The following MED13 variants were observed in gnomAD, a reference collection of about 807,000 sequenced individuals.
The protein encoded by MED13 is mediator of RNA polymerase II transcription subunit 13.
A neutral mutation model predicts 225.2 loss-of-function variants in MED13; 23 were observed. That is an observed-to-expected ratio of 0.10 (90% CI 0.07 to 0.14). The LOEUF (loss-of-function observed/expected upper bound fraction) is 0.14. Ranked by LOEUF, MED13 falls within the 10% of genes least tolerant of loss-of-function variation. MED13 has a pLI of 1.00. For synonymous variants in MED13, 942 were observed against 889.2 expected, an observed-to-expected ratio of 1.06 and a Z score of -1.06; for missense variants, 2,197 against 2,594.5, an observed-to-expected ratio of 0.85 and a Z score of 3.33.
rs1451691819 is a variant in MED13 at position 61,946,111 on chromosome 17, A to T, written c.*357T>A. On this transcript the variant is annotated 3_prime_UTR_variant, in exon 30 of 30. Transcript: ENST00000397786. ...TCATGTTCTGAAGCCATATGTTGAAATTCATTGTTCCTCATGTTTCCTCTC... is the reference window on the plus strand; with the variant it reads ...TCATGTTCTGAAGCCATATGTTGAATTTCATTGTTCCTCATGTTTCCTCTC... 1.2e-5 allele frequency: 2 copies of T among 170,924 alleles called. No individual in the cohort carries two copies. Among genetic ancestry groups the T allele is most frequent in the Non-Finnish European group, 1.2e-5 (1 of 80,152 alleles). The allele number at this position is 170,924 out of a possible 1,614,324, so 10.6% of individuals were successfully genotyped here.
intron 21 of MED13, among the ~76,000 whole-genome samples, 175 bp downstream of exon 21, chr17:61,962,577 A>G (rs1374124841): frequency 6.6e-6 from 1 of 152,196 alleles, no homozygotes. Context: ...ATATGACTAT[A>G]AAGTTTATCT....
intron 9 of MED13, among the ~76,000 whole-genome samples, chr17:61,995,750 G>A (rs2080341420): frequency 6.6e-6 from 1 of 152,038 alleles, no homozygotes; most frequent in African/African-American, 2.4e-5. Flanking sequence ...TTATAAAAGT[G>A]AGTAAAATAC....
intron 3 of MED13, among the ~76,000 whole-genome samples, chr17:62,040,750 A>G (rs1030816748): frequency 1.3e-5 from 2 of 152,220 alleles, no homozygotes; most frequent in African/African-American, 4.8e-5. Context: ...TTCTCCAAAA[A>G]TGATATAAAA....
intron 3 of MED13, among the ~76,000 whole-genome samples, chr17:62,049,058 C>A (rs2080928731): frequency 1.2e-5 from 1 of 80,986 alleles, no homozygotes. Flanking sequence ...GGTTGGGCAC[C>A]ACCATAACAG....
intron 2 of MED13, among the ~76,000 whole-genome samples, chr17:62,059,163 C>CA (rs978783324): frequency 3.3e-5 from 5 of 151,400 alleles, no homozygotes; most frequent in African/African-American, 1.2e-4. Context: ...ACATATTAGG[C>CA]AAAAAAATAA....
At chr17:61,987,909 AT>A (rs531748116) in intron 11 of MED13, among the ~76,000 whole-genome samples, 150 of 144,814 alleles carry the variant, frequency 1.0e-3, no homozygotes, top group South Asian at 4.1e-3. Context: ...TGCCCAGTTA[AT>A]TTTTTTTTTT....
chr17:61,986,717 T>A (rs2143479012), intron 12 of MED13, among the ~76,000 whole-genome samples: 1 of 152,246 alleles, frequency 6.6e-6, no homozygotes, highest in South Asian at 2.1e-4. Context: ...TTCTGCTTCC[T>A]AAAACTACAA....
At chr17:62,041,079 G>C (rs1277142155) in intron 3 of MED13, among the ~76,000 whole-genome samples, 4 of 152,134 alleles carry the variant, frequency 2.6e-5, no homozygotes, top group Non-Finnish European at 5.9e-5. Flanking sequence ...GAGATATGCA[G>C]ACCAATGTTC....
chr17:62,063,126 C>A lies in MED13; in HGVS notation c.242G>T (p.Trp81Leu). 6.2e-7 allele frequency: 1 copy of A among 1,614,082 alleles called. No homozygotes were observed. Among genetic ancestry groups the A allele is most frequent in the Non-Finnish European group, 8.5e-7 (1 of 1,180,004 alleles). The change falls in exon 2 of 30, where the codon TGG becomes TTG. Residue 81 changes from tryptophan to leucine, a missense_variant. This residue lies in a region of MED13 where 884 missense variants were observed against 918.5 expected (regional missense o/e 0.96). Coordinates refer to ENST00000397786, the MANE Select transcript of MED13 (RefSeq NM_005121.3). ...RDQRPGRREL[W>L]IFWWGEDPSF... The stretch of plus-strand genomic sequence containing the variant: ...GGGGTCTTCACCCCACCAAAATATC[C>A]ACAATTCTCTTCTTCCAGGTCTTTG...
At chr17:61,960,824 T>A in intron 23 of MED13, 43 bp downstream of exon 23, 2 of 1,356,346 alleles carry the variant, frequency 1.5e-6, no homozygotes. Context: ...AAACAAAATG[T>A]TACAAATGGA....
At chr17:62,034,040 G>A in intron 4 of MED13, 56 bp from the exon 5 acceptor site, 1 of 1,439,806 alleles carries the variant, frequency 6.9e-7, no homozygotes. Context: ...TACCAAATAA[G>A]AACACAGTGA....
At chr17:61,963,051 C>T (rs1263378558) in intron 20 of MED13, 80 bp from the exon 21 acceptor site, 2 of 1,107,050 alleles carry the variant, frequency 1.8e-6, no homozygotes, top group African/African-American at 1.6e-5. Flanking sequence ...CTTAATATCC[C>T]CCTCCTCCCT....
intron 24 of MED13, 121 bp from the exon 25 acceptor site, chr17:61,955,959 T>C (rs2079940470): frequency 3.0e-6 from 4 of 1,348,252 alleles, no homozygotes; most frequent in Non-Finnish European, 3.8e-6. Context: ...GCTTTTAAAT[T>C]AGTGTATTCC....
Position 61,957,965 on chromosome 17 carries a change from C to G in MED13, c.5481-1484G>C, listed in dbSNP as rs1374801376. 2.6e-5 allele frequency among the ~76,000 whole-genome samples: 4 copies of G among 151,246 alleles called. No individual in the cohort carries two copies. The Middle Eastern group carries it at 9.7e-3, about 366-fold the overall frequency. ...CTGCAAGTTCCGCCTCCTGATTTCACGCCATTCTCCTGCCTCAGCCTCCCG... is the reference window on the plus strand; with the variant it reads ...CTGCAAGTTCCGCCTCCTGATTTCAGGCCATTCTCCTGCCTCAGCCTCCCG... On this transcript the variant is annotated intron_variant, in intron 23 of 29. Coordinates refer to ENST00000397786, the MANE Select transcript of MED13 (RefSeq NM_005121.3).
chr17:62,036,790 GA>G (rs2080807394), intron 3 of MED13: 1 of 152,180 alleles, frequency 6.6e-6, no homozygotes, highest in Admixed American at 6.5e-5. Context: ...ACAAGAAATA[GA>G]AATTTAAGCA....
At chr17:61,967,663 A>G (rs1041606034) in intron 18 of MED13, among the ~76,000 whole-genome samples, 6 of 152,220 alleles carry the variant, frequency 3.9e-5, no homozygotes, top group African/African-American at 1.4e-4. Context: ...ACATATGAGG[A>G]AAGTGAGGCC....
At position 61,942,661 on chromosome 17, in the gene MED13, T is replaced by TG. The variant is rs543694077; in HGVS notation, c.*3806_*3807insC. 91 of 152,392 alleles carry TG rather than the reference T, an allele frequency of 6.0e-4. No homozygotes were observed. The highest frequency in any genetic ancestry group is 2.1e-3 in the African/African-American group (88 of 41,538). 9.4% of individuals were successfully genotyped at this position (152,392 alleles called of 1,614,324 possible). ...AAGTTTTGTTTTTTGTTTTTGTTTT[T>TG]TTTTTTTTAAAAAGTATAAACCTTT... On this transcript the variant is annotated 3_prime_UTR_variant, in exon 30 of 30. Coordinates refer to ENST00000397786, the MANE Select transcript of MED13 (RefSeq NM_005121.3).
At chr17:62,009,542 GTAAATTA>G (rs2143582240) in intron 9 of MED13, among the ~76,000 whole-genome samples, 1 of 152,294 alleles carries the variant, frequency 6.6e-6, no homozygotes, top group South Asian at 2.1e-4. Flanking sequence ...TTTGCATGCT[GTAAATTA>G]CTGAAATTAA....
chr17:61,973,666 T>C (rs1371355218), intron 16 of MED13, among the ~76,000 whole-genome samples: 2 of 152,200 alleles, frequency 1.3e-5, no homozygotes, highest in Non-Finnish European at 2.9e-5. Flanking sequence ...TTTATCGTTA[T>C]TGGCCCCAAT....
Sources: gnomAD v4.1 joint callset for allele counts (sites outside exome capture counted in the v4.1 genomes callset) on GRCh38, gnomAD v4.1.1 for gene constraint, gnomAD v4.1.1 regional missense constraint, MANE v1.5 for transcripts, NCBI Gene and HGNC (gene_info 2026-07-23, HGNC 2026-07-21) for gene names.